The following TRAPPC8 variants were observed in gnomAD, a reference collection of about 807,000 sequenced individuals.
TRAPPC8 encodes the protein general sporulation gene 1 homolog.
A neutral mutation model predicts 174.3 loss-of-function variants in TRAPPC8; 54 were observed. The ratio of observed to expected loss-of-function variants is 0.31; its 90% CI spans 0.25 to 0.39. The LOEUF is 0.39. Ranked by LOEUF, TRAPPC8 falls within the 10% of genes least tolerant of loss-of-function variation. The pLI is 1.00. For missense variants in TRAPPC8, 1,531 were observed against 1,699.1 expected, an observed-to-expected ratio of 0.90 and a Z score of 1.74; for synonymous variants, 630 against 579.9, an observed-to-expected ratio of 1.09 and a Z score of -1.24.
chr18:31,934,949 C>CATAAATAAATAA (rs59323781), intron 1 of TRAPPC8, among the ~76,000 whole-genome samples: 12,540 of 140,246 alleles, frequency 0.089, 708 homozygotes, highest in Admixed American at 0.15. Context: ...GGCTCCGTCT[C>CATAAATAAATAA]ATAAATAAAT....
intron 26 of TRAPPC8, chr18:31,844,262 T>C (rs1195014910): frequency 1.3e-5 from 2 of 152,224 alleles, no homozygotes; most frequent in Non-Finnish European, 2.9e-5. Flanking sequence ...GTATATATTG[T>C]ATGACTATTT....
intron 15 of TRAPPC8, 91 bp from the exon 16 acceptor site, chr18:31,870,593 C>T (rs2145194995): frequency 7.3e-7 from 1 of 1,370,470 alleles, no homozygotes; most frequent in East Asian, 2.3e-5. Flanking sequence ...GCTTTCATAG[C>T]TCTGCATTTC....
intron 23 of TRAPPC8, 21 bp downstream of exon 23, chr18:31,852,574 G>A: frequency 6.2e-7 from 1 of 1,613,852 alleles, no homozygotes; most frequent in Non-Finnish European, 8.5e-7. Context: ...TTAGTAAAGT[G>A]TAAAAGTAAA....
Position 31,849,612 on chromosome 18 carries a change from A to C in TRAPPC8, c.3689T>G (p.Ile1230Ser), listed in dbSNP as rs148103026. 1.2e-6 allele frequency: 2 copies of C among 1,611,158 alleles called. No individual in the cohort carries two copies. Among genetic ancestry groups the C allele is most frequent in the African/African-American group, 2.7e-5 (2 of 74,780 alleles). Residue 1230 changes from isoleucine to serine, a missense_variant, in exon 25 of 29, where the codon ATT (isoleucine) becomes AGT (serine). Transcript: ENST00000283351. The stretch of plus-strand genomic sequence containing the variant: ...CAAATCTACCTCACTGCATTTTTGA[A>C]TCAATCTCACAGCATCCTCTGTTGA... Reference protein sequence around the residue: ...KQSTEDAVRLIQKCSEVDLNI... With the variant: ...KQSTEDAVRLSQKCSEVDLNI...
chr18:31,832,204 A>C, intron 27 of TRAPPC8, 31 bp from the exon 28 acceptor site: 1 of 1,388,090 alleles, frequency 7.2e-7, no homozygotes, highest in Non-Finnish European at 9.5e-7. Flanking sequence ...AAAAAGTTAT[A>C]TATTTTTTTC....
intron 2 of TRAPPC8, among the ~76,000 whole-genome samples, chr18:31,931,081 G>T (rs1371517090): frequency 2.6e-5 from 4 of 152,022 alleles, no homozygotes; most frequent in Non-Finnish European, 5.9e-5. Context: ...TGTCACAAAA[G>T]AATTTTTTAA....
chr18:31,830,178 T>A lies in TRAPPC8; in HGVS notation c.*577A>T, dbSNP rs1012306341. The A allele has an allele frequency of 6.6e-6, 1 of 152,656 alleles. No homozygotes were observed. Among genetic ancestry groups the A allele is most frequent in the Non-Finnish European group, 1.5e-5 (1 of 68,046 alleles). 9.5% of individuals were successfully genotyped at this position (152,656 alleles called of 1,614,324 possible). ...AGTCAAAACTCCTTTCAAAACTATA[T>A]TCAAAGCATCAGAAAAAATTTTTTT... On this transcript the variant is annotated 3_prime_UTR_variant, in exon 29 of 29. Coordinates refer to ENST00000283351, the MANE Select transcript of TRAPPC8 (RefSeq NM_014939.5).
intron 27 of TRAPPC8, among the ~76,000 whole-genome samples, chr18:31,837,202 A>G (rs2032798410): frequency 1.3e-5 from 2 of 152,152 alleles, no homozygotes; most frequent in African/African-American, 4.8e-5. Flanking sequence ...ATAACTTAGG[A>G]TAAAATTTTT....
chr18:31,916,600 T>C (rs2037157346), intron 3 of TRAPPC8, among the ~76,000 whole-genome samples, 154 bp from the exon 4 acceptor site: 1 of 152,198 alleles, frequency 6.6e-6, no homozygotes, highest in Admixed American at 6.5e-5. Context: ...TGGCGTGATC[T>C]CGACTCAACA....
At chr18:31,926,847 C>G (rs545527331) in intron 2 of TRAPPC8, among the ~76,000 whole-genome samples, 1 of 152,072 alleles carries the variant, frequency 6.6e-6, no homozygotes, top group African/African-American at 2.4e-5. Flanking sequence ...GAATATTAAC[C>G]AAAAACTATG....
intron 2 of TRAPPC8, among the ~76,000 whole-genome samples, chr18:31,924,738 C>CAAAAAAAAAAAAAA: frequency 1.1e-5 from 1 of 91,890 alleles, no homozygotes; most frequent in Non-Finnish European, 2.1e-5. Context: ...AACTCCGTCT[C>CAAAAAAAAAAAAAA]AAAAAAAAAA....
chr18:31,877,294 T>C (rs989413637), intron 12 of TRAPPC8, among the ~76,000 whole-genome samples: 1 of 152,150 alleles, frequency 6.6e-6, no homozygotes, highest in African/African-American at 2.4e-5. Flanking sequence ...CTTTTCATGC[T>C]TTTTGTGGTG....
At chr18:31,934,949 C>CATAAATAAATAAATAAATAA (rs59323781) in intron 1 of TRAPPC8, among the ~76,000 whole-genome samples, 13 of 140,326 alleles carry the variant, frequency 9.3e-5, no homozygotes, top group Non-Finnish European at 1.8e-4. Flanking sequence ...GGCTCCGTCT[C>CATAAATAAATAAATAAATAA]ATAAATAAAT....
chr18:31,942,663 G>A lies in TRAPPC8; in HGVS notation c.102C>T (p.Leu34=). The A allele has an allele frequency of 6.2e-7, 1 of 1,611,284 alleles. No individual in the cohort carries two copies. Among genetic ancestry groups the A allele is most frequent in the Non-Finnish European group, 8.5e-7 (1 of 1,178,754 alleles). The change falls in exon 1 of 29, where the codon CTC becomes CTT. Residue 34 remains leucine (L), a synonymous_variant. Coordinates refer to ENST00000283351, the MANE Select transcript of TRAPPC8 (RefSeq NM_014939.5). The part of the protein sequence containing the change: ...CSDEAERLTR[L]NHLSFAELLK... ...GCAGCTCCGCGAAGCTGAGGTGATT[G>A]AGACGAGTGAGCCGCTCGGCTTCGT...
rs146191963 is a variant in TRAPPC8 at position 31,852,481 on chromosome 18, A to G, written c.3526T>C (p.Tyr1176His). The part of the protein sequence containing the change: ...EEAATQSSEK[Y>H]TFADIIFGNE... Reference sequence around the variant, plus strand: ...CCAAAGATGATATCTGCAAAGGTATATTTTTCAGAGGACTGTGTGGCCGCT... The same window carrying G: ...CCAAAGATGATATCTGCAAAGGTATGTTTTTCAGAGGACTGTGTGGCCGCT... Residue 1176 changes from tyrosine (Y) to histidine (H), a missense_variant, in exon 24 of 29, where the codon TAT (tyrosine) becomes CAT (histidine). Transcript: ENST00000283351. The G allele has an allele frequency of 2.8e-4, 458 of 1,614,182 alleles. 1 individual carries two copies. The African/African-American group carries it at 4.6e-3, about 16-fold the overall frequency.
chr18:31,910,507 T>C (rs567232673), intron 5 of TRAPPC8, among the ~76,000 whole-genome samples: 12 of 152,294 alleles, frequency 7.9e-5, no homozygotes, highest in African/African-American at 2.2e-4. Flanking sequence ...CTTCTATATT[T>C]TGAAAGTTGT....
intron 26 of TRAPPC8, among the ~76,000 whole-genome samples, chr18:31,839,996 G>A (rs16962510): frequency 0.029 from 4,423 of 152,186 alleles, 230 homozygotes; most frequent in African/African-American, 0.1. Context: ...TAAAATGCAC[G>A]TAAAAAGTAT....
chr18:31,921,380 G>A (rs997401014), intron 2 of TRAPPC8, among the ~76,000 whole-genome samples: 7 of 152,216 alleles, frequency 4.6e-5, no homozygotes, highest in Non-Finnish European at 7.4e-5. Context: ...TTGGGAGGCC[G>A]AGGCAGGCGG....
chr18:31,878,864 T>TA (rs926426851), intron 12 of TRAPPC8, among the ~76,000 whole-genome samples: 20 of 150,086 alleles, frequency 1.3e-4, no homozygotes, highest in African/African-American at 3.7e-4. Flanking sequence ...ACCAACAACA[T>TA]AAAAAAAAAG....
Sources: gnomAD v4.1 joint callset for allele counts (sites outside exome capture counted in the v4.1 genomes callset) on GRCh38, gnomAD v4.1.1 for gene constraint, MANE v1.5 for transcripts, NCBI Gene and HGNC (gene_info 2026-07-23, HGNC 2026-07-21) for gene names.